Variants in VRK1 observed in about 807,000 individuals in gnomAD.
VRK1 encodes serine/threonine-protein kinase VRK1.
Under a neutral mutation model 57.1 loss-of-function variants are expected in VRK1, and 33 were observed. The observed-to-expected ratio is 0.58, with a 90% CI of 0.44 to 0.77. The LOEUF is 0.77. VRK1 is among the 30% of genes least tolerant of loss of function. The pLI is 0.00. For missense variants in VRK1, 413 were observed against 477.3 expected (o/e 0.87, Z 1.25); for synonymous variants, 137 against 147.8 (o/e 0.93, Z 0.53).
chr14:96,826,049 TAAA>T (rs202218050), intron 1 of VRK1, among the ~76,000 whole-genome samples: 1 of 151,592 alleles, frequency 6.6e-6, no homozygotes, highest in East Asian at 1.9e-4. Context: ...AGCAGAAGGT[TAAA>T]AAAAAATTCC....
intron 1 of VRK1, among the ~76,000 whole-genome samples, chr14:96,818,252 G>T (rs1886466821): frequency 5.9e-5 from 9 of 152,192 alleles, no homozygotes. Flanking sequence ...AGAACTTTTA[G>T]AAGTTTTTTA....
chr14:96,837,673 T>C, intron 2 of VRK1, 89 bp from the exon 3 acceptor site: 1 of 734,582 alleles, frequency 1.4e-6, no homozygotes, highest in Non-Finnish European at 2.0e-6. Flanking sequence ...AAGTGTATTC[T>C]ATCAAGGGTT....
At chr14:96,875,628 C>A (rs1888996855) in intron 11 of VRK1, among the ~76,000 whole-genome samples, 1 of 152,122 alleles carries the variant, frequency 6.6e-6, no homozygotes. Context: ...TCCACCCCAC[C>A]CATGTTGTAC....
At chr14:96,810,668 C>G (rs722869) in intron 1 of VRK1, among the ~76,000 whole-genome samples, 22,991 of 152,124 alleles carry the variant, frequency 0.15, 3,334 homozygotes, top group East Asian at 0.83. Flanking sequence ...CGTCTTGACT[C>G]AGCTTCATTT....
intron 11 of VRK1, 28 bp from the exon 12 acceptor site, chr14:96,876,002 T>A (rs1566721577): frequency 6.2e-7 from 1 of 1,607,584 alleles, no homozygotes; most frequent in East Asian, 2.2e-5. Context: ...CAGATATCTC[T>A]CTCTCTCTCT....
At chr14:96,826,858 G>A (rs1171502651) in intron 1 of VRK1, among the ~76,000 whole-genome samples, 2 of 152,176 alleles carry the variant, frequency 1.3e-5, no homozygotes, top group Non-Finnish European at 2.9e-5. Flanking sequence ...AAAGCAACAA[G>A]GAGATTGAGA....
intron 11 of VRK1, among the ~76,000 whole-genome samples, chr14:96,873,934 T>TA (rs1213677712): frequency 6.6e-6 from 1 of 152,246 alleles, no homozygotes; most frequent in Non-Finnish European, 1.5e-5. Flanking sequence ...GCATACTGCT[T>TA]AAAGCACAGG....
chr14:96,831,129 T>G (rs188453252), intron 1 of VRK1, among the ~76,000 whole-genome samples: 100 of 152,344 alleles, frequency 6.6e-4, no homozygotes, highest in African/African-American at 2.3e-3. Flanking sequence ...CTGATAATTT[T>G]TGGATCCTAA....
intron 10 of VRK1, among the ~76,000 whole-genome samples, chr14:96,856,834 G>C (rs1427813849): frequency 6.6e-6 from 1 of 152,162 alleles, no homozygotes; most frequent in Non-Finnish European, 1.5e-5. Flanking sequence ...CAGGCGTGGT[G>C]ACGCACGCCT....
At chr14:96,880,993 A>G (rs953652110) in intron 12 of VRK1, among the ~76,000 whole-genome samples, 184 bp from the exon 13 acceptor site, 1 of 152,140 alleles carries the variant, frequency 6.6e-6, no homozygotes, top group African/African-American at 2.4e-5. Context: ...AAATGACCCA[A>G]TTTTCTAAGA....
At chr14:96,867,965 T>A (rs1888649847) in intron 11 of VRK1, among the ~76,000 whole-genome samples, 1 of 152,210 alleles carries the variant, frequency 6.6e-6, no homozygotes, top group Non-Finnish European at 1.5e-5. Context: ...CCTTTCTGTT[T>A]TGGTTCTGTG....
intron 11 of VRK1, among the ~76,000 whole-genome samples, chr14:96,870,319 A>G (rs1490288827): frequency 6.6e-6 from 1 of 152,212 alleles, no homozygotes; most frequent in East Asian, 1.9e-4. Flanking sequence ...GATTTTAGGC[A>G]TAAAATATTA....
At chr14:96,846,945 G>A (rs1226575007) in intron 4 of VRK1, among the ~76,000 whole-genome samples, 2 of 151,822 alleles carry the variant, frequency 1.3e-5, no homozygotes, top group African/African-American at 4.8e-5. Flanking sequence ...GAGGGGTGGG[G>A]GTTCCTGGAA....
intron 1 of VRK1, among the ~76,000 whole-genome samples, chr14:96,829,323 T>C (rs1224173997): frequency 6.6e-6 from 1 of 152,104 alleles, no homozygotes; most frequent in Non-Finnish European, 1.5e-5. Context: ...AATAATCATT[T>C]TGTTAAGGAA....
At chr14:96,869,884 G>A (rs1888746488) in intron 11 of VRK1, among the ~76,000 whole-genome samples, 1 of 152,078 alleles carries the variant, frequency 6.6e-6, no homozygotes, top group Admixed American at 6.5e-5. Flanking sequence ...AGCCCAATTT[G>A]TTCTGTAATA....
intron 11 of VRK1, among the ~76,000 whole-genome samples, chr14:96,873,816 C>T (rs1277649901): frequency 6.6e-6 from 1 of 152,170 alleles, no homozygotes. Context: ...TTTAATTGGT[C>T]TGTAGACCAC....
intron 7 of VRK1, among the ~76,000 whole-genome samples, chr14:96,854,964 C>CTT (rs1215160754): frequency 1.3e-5 from 2 of 152,084 alleles, no homozygotes; most frequent in Non-Finnish European, 2.9e-5. Flanking sequence ...ATAACATATA[C>CTT]TTATCTTAAA....
At chr14:96,810,727 G>C (rs1292574477) in intron 1 of VRK1, among the ~76,000 whole-genome samples, 1 of 152,172 alleles carries the variant, frequency 6.6e-6, no homozygotes, top group Non-Finnish European at 1.5e-5. Context: ...CATTCTGACT[G>C]TGGTTTGTTA....
At chr14:96,815,441 G>A (rs1174292630) in intron 1 of VRK1, among the ~76,000 whole-genome samples, 2 of 152,094 alleles carry the variant, frequency 1.3e-5, no homozygotes, top group Non-Finnish European at 2.9e-5. Context: ...TAATAAAGAC[G>A]GAGGGGTAGA....
Sources: allele counts gnomAD v4.1 joint callset (sites outside exome capture counted in the v4.1 genomes callset), GRCh38; gene constraint gnomAD v4.1.1; transcripts MANE v1.5; gene names NCBI Gene and HGNC (gene_info 2026-07-23, HGNC 2026-07-21).